Variants in PDSS2 observed in about 807,000 individuals in gnomAD.
PDSS2 encodes decaprenyl diphosphate synthase subunit 2.
A neutral mutation model predicts 44.5 loss-of-function variants in PDSS2; 31 were observed. That is an observed-to-expected ratio of 0.70 (90% CI 0.52 to 0.94). The LOEUF is 0.94. Ranked by LOEUF, PDSS2 falls within the 40% of genes least tolerant of loss-of-function variation. The pLI is 0.00. For synonymous variants in PDSS2, 157 were observed against 180.3 expected, an observed-to-expected ratio of 0.87 and a Z score of 1.03; for missense variants, 452 against 482.2, an observed-to-expected ratio of 0.94 and a Z score of 0.59.
intron 1 of PDSS2, among the ~76,000 whole-genome samples, chr6:107,451,104 T>A (rs1485999169): frequency 2.0e-5 from 3 of 152,248 alleles, no homozygotes; most frequent in Non-Finnish European, 4.4e-5. Flanking sequence ...AGTGCTGGGA[T>A]TACAGGCGTG....
Position 107,273,268 on chromosome 6 carries a change from G to A in PDSS2, c.630+761C>T, listed in dbSNP as rs112622203. ...CAAAGTGCTGGGATTACAGGAGTGA[G>A]CCACCACACCTGGCCTTTAACCTGG... is the stretch of plus-strand genomic sequence containing the variant. On this transcript the variant is annotated intron_variant, in intron 3 of 7. Coordinates refer to ENST00000369037, the MANE Select transcript of PDSS2 (RefSeq NM_020381.4). Among the ~76,000 whole-genome samples, 175 of 152,010 alleles carry A rather than the reference G, an allele frequency of 1.2e-3. 1 individual carries two copies. Among genetic ancestry groups the A allele is most frequent in the African/African-American group, 4.1e-3 (169 of 41,470 alleles).
chr6:107,351,221 A>G (rs1778426414), intron 1 of PDSS2, among the ~76,000 whole-genome samples: 1 of 152,220 alleles, frequency 6.6e-6, no homozygotes, highest in African/African-American at 2.4e-5. Flanking sequence ...TGAATTTCAG[A>G]TATGAATAAC....
At chr6:107,363,400 T>C (rs1391117212) in intron 1 of PDSS2, among the ~76,000 whole-genome samples, 1 of 152,120 alleles carries the variant, frequency 6.6e-6, no homozygotes. Flanking sequence ...ATTTCTTCCT[T>C]CTGGTGGGTT....
chr6:107,161,245 C>T (rs1554246646), intron 7 of PDSS2, among the ~76,000 whole-genome samples: 1 of 151,688 alleles, frequency 6.6e-6, no homozygotes, highest in Non-Finnish European at 1.5e-5. Context: ...CTTTGGGAAG[C>T]TGAGGCGGGC....
At chr6:107,168,008 C>T (rs1771418072) in intron 7 of PDSS2, among the ~76,000 whole-genome samples, 1 of 152,138 alleles carries the variant, frequency 6.6e-6, no homozygotes, top group Non-Finnish European at 1.5e-5. Flanking sequence ...TGGTGCAGAG[C>T]TGAGTTCAAT....
Position 107,459,152 on chromosome 6 carries a change from G to A in PDSS2, c.134C>T (p.Ser45Phe). 6.2e-7 allele frequency: 1 copy of A among 1,614,186 alleles called. No homozygotes were observed. Among genetic ancestry groups the A allele is most frequent in the Non-Finnish European group, 8.5e-7 (1 of 1,180,042 alleles). The change falls in exon 1 of 8, where the codon TCC becomes TTC. Residue 45 changes from serine (S) to phenylalanine (F), a missense_variant. Physicochemically the swap from Ser to Phe is radical, Grantham distance 155. Coordinates refer to ENST00000369037, the MANE Select transcript of PDSS2 (RefSeq NM_020381.4). The surrounding 1 kb of genome is among the most constrained non-coding windows in gnomAD (Gnocchi z 4.3). ...CACTACCTGATTCCAGTGGGCCGGG[G>A]ACTTGGAGGACCGACCACGCCAAGA... ...VGSWRGRSSK[S>F]PAHWNQVVSE...
At position 107,458,412 on chromosome 6, in the gene PDSS2, C is replaced by CAAAAAATAAAAAAAAAAAAAAA. The variant is rs1782121017; in HGVS notation, c.296+577_296+578insTTTTTTTTTTTTTTTATTTTTT. Among the ~76,000 whole-genome samples, 2 of 78,182 alleles carry CAAAAAATAAAAAAAAAAAAAAA rather than the reference C, an allele frequency of 2.6e-5. 1 individual carries two copies. The highest frequency in any genetic ancestry group is 4.9e-5 in the Non-Finnish European group (2 of 40,424). 51.3% of individuals were successfully genotyped at this position (78,182 alleles called of 152,430 possible). A position where few individuals can be genotyped will look rare whatever the true frequency, so the allele number is the denominator to read the frequency against. On this transcript the variant is annotated intron_variant, in intron 1 of 7. Coordinates refer to ENST00000369037, the MANE Select transcript of PDSS2 (RefSeq NM_020381.4). ...TGGGCGACAAAGCGAGACTCCGTCT[C>CAAAAAATAAAAAAAAAAAAAAA]AAAAAAAAAAAAAAAAAAAACTTTT...
At chr6:107,249,869 G>C (rs774026989) in intron 3 of PDSS2, among the ~76,000 whole-genome samples, 1 of 152,152 alleles carries the variant, frequency 6.6e-6, no homozygotes, top group Non-Finnish European at 1.5e-5. Context: ...CCCAAGTTAG[G>C]AAGAGATAGT....
At chr6:107,420,770 C>T (rs1780800005) in intron 1 of PDSS2, among the ~76,000 whole-genome samples, 1 of 151,710 alleles carries the variant, frequency 6.6e-6, no homozygotes, top group African/African-American at 2.4e-5. Flanking sequence ...ATCTTTGGGA[C>T]CTAGGGCTAG....
At chr6:107,312,536 G>A (rs1353236049) in intron 2 of PDSS2, among the ~76,000 whole-genome samples, 1 of 152,224 alleles carries the variant, frequency 6.6e-6, no homozygotes, top group East Asian at 1.9e-4. Context: ...TCTGTTAAAT[G>A]GGGATGGTAA....
intron 1 of PDSS2, among the ~76,000 whole-genome samples, chr6:107,345,756 C>T (rs1778224024): frequency 6.6e-6 from 1 of 152,024 alleles, no homozygotes; most frequent in Non-Finnish European, 1.5e-5. Flanking sequence ...TATATTATTG[C>T]AACATGATGG....
chr6:107,363,411 C>T (rs1294762203), intron 1 of PDSS2, among the ~76,000 whole-genome samples: 1 of 152,054 alleles, frequency 6.6e-6, no homozygotes, highest in Non-Finnish European at 1.5e-5. Context: ...CTGGTGGGTT[C>T]GTGGTCTCAC....
At chr6:107,303,723 AC>A (rs1776771490) in intron 2 of PDSS2, among the ~76,000 whole-genome samples, 1 of 152,128 alleles carries the variant, frequency 6.6e-6, no homozygotes, top group Admixed American at 6.5e-5. Flanking sequence ...CCCACTAAAA[AC>A]TATTTAGGTC....
At chr6:107,456,235 T>A (rs1345731833) in intron 1 of PDSS2, among the ~76,000 whole-genome samples, 1 of 152,096 alleles carries the variant, frequency 6.6e-6, no homozygotes, top group Non-Finnish European at 1.5e-5. Flanking sequence ...GCAGGAGAAT[T>A]ACTTGAACCC....
At chr6:107,249,125 A>G (rs530993921) in intron 3 of PDSS2, among the ~76,000 whole-genome samples, 42 of 152,220 alleles carry the variant, frequency 2.8e-4, no homozygotes, top group Non-Finnish European at 5.7e-4. Context: ...CATCAAACAA[A>G]TAATGGTACT....
At chr6:107,173,928 T>A (rs1453220291) in intron 7 of PDSS2, among the ~76,000 whole-genome samples, 1 of 152,154 alleles carries the variant, frequency 6.6e-6, no homozygotes, top group African/African-American at 2.4e-5. Context: ...ATGTTGAGAA[T>A]CTTTAATAAC....
At chr6:107,400,597 T>A (rs1035434481) in intron 1 of PDSS2, among the ~76,000 whole-genome samples, 1 of 152,148 alleles carries the variant, frequency 6.6e-6, no homozygotes, top group Non-Finnish European at 1.5e-5. Context: ...CAAGAGAAAG[T>A]CTTGCTAGGT....
At chr6:107,271,603 C>G (rs185798568) in intron 3 of PDSS2, among the ~76,000 whole-genome samples, 45 of 152,328 alleles carry the variant, frequency 3.0e-4, no homozygotes, top group Non-Finnish European at 5.3e-4. Flanking sequence ...CCACCTGATA[C>G]AGGAAAGAGT....
intron 6 of PDSS2, among the ~76,000 whole-genome samples, chr6:107,205,461 A>G (rs1487052039): frequency 1.3e-5 from 2 of 152,148 alleles, no homozygotes; most frequent in East Asian, 3.8e-4. Context: ...GAAGGATTCT[A>G]CTTTCTTTTA....
Sources: gnomAD v4.1 joint callset for allele counts (sites outside exome capture counted in the v4.1 genomes callset) on GRCh38, gnomAD v4.1.1 for gene constraint, Gnocchi (gnomAD v3.1) non-coding constraint, MANE v1.5 for transcripts, NCBI Gene and HGNC (gene_info 2026-07-23, HGNC 2026-07-21) for gene names.